Variants in RPS6KA2 observed in about 807,000 individuals in gnomAD.
RPS6KA2 encodes the protein ribosomal protein S6 kinase alpha-2.
RPS6KA2 carries 42 observed loss-of-function variants against 91.8 expected under a neutral mutation model. The ratio of observed to expected loss-of-function variants is 0.46; its 90% CI spans 0.36 to 0.59. The LOEUF is 0.59. Ranked by LOEUF, RPS6KA2 falls within the 20% of genes least tolerant of loss-of-function variation. The pLI is 0.00. For synonymous variants in RPS6KA2, 414 were observed against 393.6 expected (o/e 1.05, Z -0.61); for missense variants, 798 against 978.5 (o/e 0.82, Z 2.46).
chr6:166,477,908 T>TA (rs1166304094), intron 10 of RPS6KA2, among the ~76,000 whole-genome samples: 1 of 152,152 alleles, frequency 6.6e-6, no homozygotes. Flanking sequence ...AGACCCTGTT[T>TA]AAAAAAGGAA....
At chr6:166,472,067 T>C (rs186678315) in intron 10 of RPS6KA2, among the ~76,000 whole-genome samples, 25 of 152,120 alleles carry the variant, frequency 1.6e-4, no homozygotes, top group Non-Finnish European at 2.8e-4. Flanking sequence ...GGTTGAAGAG[T>C]CCTTCTGGTC....
At chr6:166,598,632 A>C (rs964041583) in intron 1 of RPS6KA2, among the ~76,000 whole-genome samples, 1 of 152,164 alleles carries the variant, frequency 6.6e-6, no homozygotes, top group East Asian at 1.9e-4. Flanking sequence ...AGACGCTCTA[A>C]ACATTTTGGC....
chr6:166,839,687 G>GGGGAGGGGAGGGGAC (rs1300155002), intron 2 of RPS6KA2, among the ~76,000 whole-genome samples: 2 of 102,662 alleles, frequency 1.9e-5, no homozygotes, highest in Admixed American at 9.0e-5. Flanking sequence ...GAGCAGGAGA[G>GGGGAGGGGAGGGGAC]GAGAGGGGAG....
At chr6:166,614,523 T>C (rs1337918129) in intron 1 of RPS6KA2, among the ~76,000 whole-genome samples, 3 of 152,268 alleles carry the variant, frequency 2.0e-5, no homozygotes, top group African/African-American at 7.2e-5. Context: ...TCCTGTCTGC[T>C]GCATCTTCTA....
chr6:166,650,578 T>C (rs1244528948), intron 2 of RPS6KA2, among the ~76,000 whole-genome samples: 1 of 152,226 alleles, frequency 6.6e-6, no homozygotes, highest in African/African-American at 2.4e-5. Context: ...GAAATGATGA[T>C]GACTGTTCAG....
At chr6:166,708,301 T>C (rs748783262) in intron 2 of RPS6KA2, among the ~76,000 whole-genome samples, 2 of 152,204 alleles carry the variant, frequency 1.3e-5, no homozygotes, top group Non-Finnish European at 2.9e-5. Context: ...AAACTATTTA[T>C]TGACCACTCT....
chr6:166,699,191 G>A (rs1252839647), intron 2 of RPS6KA2, among the ~76,000 whole-genome samples: 9 of 152,322 alleles, frequency 5.9e-5, no homozygotes, highest in African/African-American at 2.2e-4. Flanking sequence ...TAGAAAGGCT[G>A]TGGTCAGAAA....
intron 2 of RPS6KA2, among the ~76,000 whole-genome samples, chr6:166,827,277 AAAAAAAAAAAT>A (rs1297520160): frequency 8.8e-5 from 12 of 136,028 alleles, no homozygotes; most frequent in African/African-American, 2.9e-4. Context: ...AAAAAAAAAA[AAAAAAAAAAAT>A]GCTTCTGGAA....
chr6:166,690,864 C>A (rs1013312270), intron 2 of RPS6KA2, among the ~76,000 whole-genome samples: 2 of 152,150 alleles, frequency 1.3e-5, no homozygotes, highest in African/African-American at 4.8e-5. Flanking sequence ...AGACCCTGAA[C>A]AGGCATGCTG....
rs553819862 is a variant in RPS6KA2 at position 166,733,470 on chromosome 6, G to C, written c.123+124730C>G. Among the ~76,000 whole-genome samples, 31 of 152,340 alleles carry C rather than the reference G, an allele frequency of 2.0e-4. No homozygotes were observed. Among genetic ancestry groups the C allele is most frequent in the African/African-American group, 6.7e-4 (28 of 41,570 alleles). ...CCAAAAAGACATAGGGACCCTTACA[G>C]TACGAGTTTTGGGTACTAACCCCAT... is the stretch of plus-strand genomic sequence containing the variant. On this transcript the variant is annotated intron_variant, in intron 2 of 21. Transcript: ENST00000503859. The surrounding 1 kb of genome is among the most constrained non-coding windows in gnomAD (Gnocchi z 4.1).
At chr6:166,797,309 G>GT (rs35809584) in intron 2 of RPS6KA2, among the ~76,000 whole-genome samples, 51,398 of 147,060 alleles carry the variant, frequency 0.35, 9,354 homozygotes, top group African/African-American at 0.47. Flanking sequence ...TTCCAGAAAT[G>GT]TTTTTTTTTT....
intron 2 of RPS6KA2, among the ~76,000 whole-genome samples, chr6:166,678,116 C>G (rs752823276): frequency 1.3e-5 from 2 of 152,142 alleles, no homozygotes; most frequent in Non-Finnish European, 2.9e-5. Context: ...GTGTTCATAC[C>G]AACAGCCCGG....
chr6:166,512,305 C>A (rs1303156393), intron 3 of RPS6KA2, among the ~76,000 whole-genome samples: 1 of 152,140 alleles, frequency 6.6e-6, no homozygotes, highest in Non-Finnish European at 1.5e-5. Flanking sequence ...TCGTGGTGAA[C>A]AGGAGCTGGA....
Position 166,713,022 on chromosome 6 carries a change from G to T in RPS6KA2, c.123+145178C>A, listed in dbSNP as rs117881161. Among the ~76,000 whole-genome samples the T allele has an allele frequency of 8.8e-3, 1,347 of 152,322 alleles. 7 individuals are homozygous for T. The highest frequency in any genetic ancestry group is 0.014 in the Non-Finnish European group (934 of 68,028). On this transcript the variant is annotated intron_variant, in intron 2 of 21. Transcript: ENST00000503859. ...CACAGGCACAGATCAGGAGAACAGG[G>T]TTGTGACCCCTGGAAATGACACGTC...
chr6:166,847,302 TA>T (rs1292382653), intron 2 of RPS6KA2, among the ~76,000 whole-genome samples: 1 of 152,122 alleles, frequency 6.6e-6, no homozygotes, highest in Non-Finnish European at 1.5e-5. Context: ...CATGGATAGG[TA>T]GAATTAATAT....
At chr6:166,579,376 G>A (rs926140532) in intron 1 of RPS6KA2, among the ~76,000 whole-genome samples, 5 of 152,084 alleles carry the variant, frequency 3.3e-5, no homozygotes, top group Admixed American at 6.5e-5. Flanking sequence ...TCCTGGAGTG[G>A]TGCTGGCCTG....
intron 19 of RPS6KA2, among the ~76,000 whole-genome samples, chr6:166,414,618 A>G (rs910490416): frequency 6.6e-6 from 1 of 152,230 alleles, no homozygotes; most frequent in African/African-American, 2.4e-5. Flanking sequence ...CACCATAATC[A>G]TCCTTGAGGT....
At chr6:166,628,134 C>G (rs1390351601), upstream of RPS6KA2, among the ~76,000 whole-genome samples, 1 of 152,262 alleles carries the variant, frequency 6.6e-6, no homozygotes, top group Admixed American at 6.5e-5. Context: ...GCGGGGTGAC[C>G]TGGGTCTAGG....
intron 2 of RPS6KA2, among the ~76,000 whole-genome samples, chr6:166,636,433 G>T (rs1787243946): frequency 1.3e-5 from 2 of 151,554 alleles, no homozygotes; most frequent in African/African-American, 4.9e-5. Flanking sequence ...CTCAGACAGG[G>T]CCTCTCTCCA....
Sources: gnomAD v4.1 joint callset for allele counts (sites outside exome capture counted in the v4.1 genomes callset) on GRCh38, gnomAD v4.1.1 for gene constraint, Gnocchi (gnomAD v3.1) non-coding constraint, MANE v1.5 for transcripts, NCBI Gene and HGNC (gene_info 2026-07-23, HGNC 2026-07-21) for gene names.